Variants in FRY observed in about 807,000 individuals in gnomAD.
FRY encodes the protein protein furry homolog.
Under a neutral mutation model 348.4 loss-of-function variants are expected in FRY, and 128 were observed. That is an observed-to-expected ratio of 0.37 (90% confidence interval 0.32 to 0.43). FRY has a LOEUF of 0.43. FRY is among the 20% of genes least tolerant of loss of function. The probability of loss-of-function intolerance (pLI) is 1.00; values close to 1 mark genes in which losing one functional copy is unlikely to be tolerated. For missense variants in FRY, 2,736 were observed against 3,695.2 expected, an observed-to-expected ratio of 0.74 and a Z score of 6.73; for synonymous variants, 1,370 against 1,374.7, an observed-to-expected ratio of 1.00 and a Z score of 0.08.
At chr13:32,260,629 C>A (rs1477969616) in intron 51 of FRY, among the ~76,000 whole-genome samples, 1 of 152,106 alleles carries the variant, frequency 6.6e-6, no homozygotes, top group African/African-American at 2.4e-5. Context: ...AATCTCAGCA[C>A]TTTGGGAGGC....
Position 32,209,142 on chromosome 13 carries a change from T to C in FRY, c.4275+33T>C, listed in dbSNP as rs767086295. 45 of 1,613,114 alleles carry C rather than the reference T, an allele frequency of 2.8e-5. No homozygotes were observed. The Admixed American group carries it at 5.7e-4, about 20-fold the overall frequency. ...CAGAGGAATTGTGCTTCAAATAGCA[T>C]GGCTCCATCATCAGAAAAAAACCCT... On this transcript the variant is annotated intron_variant, in intron 32 of 60. Transcript: ENST00000542859.
Position 32,295,536 on chromosome 13 carries a change from C to A in FRY, c.*76C>A. On this transcript the variant is annotated 3_prime_UTR_variant, in exon 61 of 61. Coordinates refer to ENST00000542859, the MANE Select transcript of FRY (RefSeq NM_023037.3). ...GGGGCAACGTCATTCAGTGTCTTCT[C>A]GGCCTTCAAAAGGCTTGGACAGACT... is the stretch of plus-strand genomic sequence containing the variant. 2.1e-6 allele frequency: 3 copies of A among 1,419,156 alleles called. No homozygotes were observed. Among genetic ancestry groups the A allele is most frequent in the South Asian group, 2.3e-5 (2 of 87,234 alleles). 87.9% of individuals were successfully genotyped at this position (1,419,156 alleles called of 1,614,324 possible). A position where few individuals can be genotyped will look rare whatever the true frequency, so the allele number is the denominator to read the frequency against.
chr13:32,295,408 G>A lies in FRY; in HGVS notation c.8990G>A (p.Arg2997Gln), dbSNP rs778586759. 1.9e-6 allele frequency: 3 copies of A among 1,612,480 alleles called. No homozygotes were observed. Among genetic ancestry groups the A allele is most frequent in the South Asian group, 1.1e-5 (1 of 91,086 alleles). The change falls in exon 61 of 61, where the codon CGA (arginine) becomes CAA (glutamine). Residue 2997 changes from arginine (R) to glutamine (Q), a missense_variant. By Grantham distance (43) the Arg-to-Gln change is conservative. Transcript: ENST00000542859. The stretch of plus-strand genomic sequence containing the variant: ...ATGATCCGCAGGGCCCAGAGTTACC[G>A]AGTCCTCACTACTTTTCTTCCAGAC... ...RDMIRRAQSY[R>Q]VLTTFLPDSS...
intron 55 of FRY, among the ~76,000 whole-genome samples, chr13:32,273,636 G>C (rs536178216): frequency 6.6e-6 from 1 of 152,188 alleles, no homozygotes; most frequent in Non-Finnish European, 1.5e-5. Context: ...CGTGCCCTCA[G>C]AGCAAGAGAG....
chr13:32,218,610 C>T (rs796449788), intron 35 of FRY, 139 bp from the exon 36 acceptor site: 16 of 603,228 alleles, frequency 2.7e-5, no homozygotes, highest in Non-Finnish European at 4.2e-5. Flanking sequence ...ACCTGGAAGG[C>T]GGAGATTGCA....
At chr13:32,179,587 G>T in intron 22 of FRY, 88 bp from the exon 23 acceptor site, 2 of 1,333,692 alleles carry the variant, frequency 1.5e-6, no homozygotes, top group South Asian at 1.2e-5. Context: ...TCAGTACTTT[G>T]AAACTGTTAT....
At chr13:32,096,438 G>A (rs568964805) in intron 2 of FRY, among the ~76,000 whole-genome samples, 2 of 129,532 alleles carry the variant, frequency 1.5e-5, no homozygotes. Context: ...GGAAAACTGC[G>A]GGGGGGGGCT....
intron 3 of FRY, among the ~76,000 whole-genome samples, chr13:32,111,449 T>G (rs1877955328): frequency 6.6e-6 from 1 of 151,990 alleles, no homozygotes; most frequent in South Asian, 2.1e-4. Flanking sequence ...TGAGCCGAGA[T>G]TGTGCTGCTG....
intron 2 of FRY, among the ~76,000 whole-genome samples, chr13:32,090,049 G>A (rs987743221): frequency 1.3e-5 from 2 of 151,746 alleles, no homozygotes; most frequent in Non-Finnish European, 2.9e-5. Flanking sequence ...ATGAGAAGAG[G>A]GTTAGAAAGG....
intron 48 of FRY, among the ~76,000 whole-genome samples, chr13:32,248,351 G>A (rs1886903864): frequency 6.6e-6 from 1 of 152,036 alleles, no homozygotes; most frequent in African/African-American, 2.4e-5. Flanking sequence ...ATGGACACAG[G>A]GAGGGGAACA....
Position 32,228,503 on chromosome 13 carries a change from T to C in FRY, c.5254T>C (p.Ser1752Pro). ...GGACCAGTCATCCCCGGTGCCTGAC[T>C]CAGGGCTTAGTTCAAGCTCCACCTC... ...REDQSSPVPD[S>P]GLSSSSTSSS... The change falls in exon 40 of 61, where the codon TCA becomes CCA. Residue 1752 changes from serine to proline, a missense_variant. This residue lies in a region of FRY where 794 missense variants were observed against 977.0 expected (regional missense o/e 0.81). Transcript: ENST00000542859. 6.2e-7 allele frequency: 1 copy of C among 1,613,392 alleles called. No homozygotes were observed. Among genetic ancestry groups the C allele is most frequent in the Non-Finnish European group, 8.5e-7 (1 of 1,179,856 alleles).
rs142981080 is a variant in FRY at position 32,161,344 on chromosome 13, AT to A, written c.1892+96del. On this transcript the variant is annotated intron_variant, in intron 17 of 60. Transcript: ENST00000542859. ...GAATGGTAGTTTACAATTAACAAAT[AT>A]TTACCAAATGAGGTACTGGGTATGG... 6.4e-4 allele frequency: 568 copies of A among 881,082 alleles called. 2 individuals carry two copies. In the African/African-American group the frequency reaches 8.4e-3, roughly 13 times the overall value. The allele number at this position is 881,082 out of a possible 1,614,324, so 54.6% of individuals were successfully genotyped here. A position where few individuals can be genotyped will look rare whatever the true frequency, so the allele number is the denominator to read the frequency against.
chr13:32,101,925 C>CT, intron 2 of FRY, 38 bp from the exon 3 acceptor site: 1 of 1,090,242 alleles, frequency 9.2e-7, no homozygotes, highest in Non-Finnish European at 1.4e-6. Context: ...TTAAGAGACT[C>CT]TAATAATTAT....
At chr13:32,097,735 T>G (rs1379120735) in intron 2 of FRY, among the ~76,000 whole-genome samples, 1 of 151,986 alleles carries the variant, frequency 6.6e-6, no homozygotes, top group Non-Finnish European at 1.5e-5. Flanking sequence ...AACAATAGAT[T>G]CTAAAATAAA....
chr13:32,234,504 A>G (rs1886115013), intron 41 of FRY, 70 bp from the exon 42 acceptor site: 14 of 1,331,308 alleles, frequency 1.1e-5, no homozygotes, highest in Non-Finnish European at 1.5e-5. Context: ...TTTTAAACTT[A>G]GAGGTAACTT....
intron 2 of FRY, among the ~76,000 whole-genome samples, chr13:32,081,624 C>T (rs1875500820): frequency 6.6e-6 from 1 of 152,194 alleles, no homozygotes; most frequent in Admixed American, 6.5e-5. Flanking sequence ...TACCTCTGGC[C>T]TTTTTATTCC....
chr13:32,238,431 G>A (rs1418501406), intron 44 of FRY, among the ~76,000 whole-genome samples: 1 of 133,374 alleles, frequency 7.5e-6, no homozygotes, highest in African/African-American at 3.2e-5. Flanking sequence ...TTTCATTTAT[G>A]TCTTTTTGTT....
At chr13:32,164,222 C>T (rs1270321106) in intron 17 of FRY, among the ~76,000 whole-genome samples, 1 of 152,220 alleles carries the variant, frequency 6.6e-6, no homozygotes, top group Non-Finnish European at 1.5e-5. Context: ...CCCCCACAGT[C>T]CAGTTGCCTT....
chr13:32,199,238 G>C (rs1056306603), intron 29 of FRY, among the ~76,000 whole-genome samples: 1 of 152,178 alleles, frequency 6.6e-6, no homozygotes, highest in Non-Finnish European at 1.5e-5. Context: ...CCCAGAGAAG[G>C]CTTCAGATCA....
Sources: allele counts gnomAD v4.1 joint callset (sites outside exome capture counted in the v4.1 genomes callset), GRCh38; gene constraint gnomAD v4.1.1; regional missense constraint gnomAD v4.1.1; transcripts MANE v1.5; gene names NCBI Gene and HGNC (gene_info 2026-07-23, HGNC 2026-07-21).